The following ABCA13 variants were observed in gnomAD, a reference collection of about 807,000 sequenced individuals.
The protein encoded by ABCA13 is ATP binding cassette subfamily A member 13.
ABCA13 carries 476 observed loss-of-function variants against 478.7 expected under a neutral mutation model. The observed-to-expected ratio is 0.99, with a 90% CI of 0.92 to 1.07. ABCA13 has a LOEUF of 1.07. Ranked by LOEUF, ABCA13 falls within the 50% of genes least tolerant of loss-of-function variation. ABCA13 has a pLI of 0.00. For missense variants in ABCA13, 6,060 were observed against 5,910.6 expected (o/e 1.03, Z -0.83); for synonymous variants, 2,252 against 2,158.9 (o/e 1.04, Z -1.20).
At chr7:48,197,963 T>C (rs1798163930) in intron 2 of ABCA13, among the ~76,000 whole-genome samples, 1 of 152,132 alleles carries the variant, frequency 6.6e-6, no homozygotes, top group Non-Finnish European at 1.5e-5. Flanking sequence ...TTCCACTCAG[T>C]GAATGGGGAA....
chr7:48,551,877 G>A (rs945390401), intron 55 of ABCA13, among the ~76,000 whole-genome samples: 7 of 151,702 alleles, frequency 4.6e-5, no homozygotes, highest in African/African-American at 1.7e-4. Context: ...ACCAGACTCT[G>A]GGCATTATCC....
Position 48,352,308 on chromosome 7 carries a change from C to T in ABCA13, c.10509C>T (p.Asn3503=). The part of the protein sequence containing the change: ...LYSVRTDVVK[N]PSWKFHPQNL... ...GCGTGCGAACAGATGTGGTAAAAAA[C>T]CCTTCTTGGAAGTTCCACCCTCAGA... The change falls in exon 31 of 62, where the codon AAC becomes AAT. Residue 3503 remains asparagine, a synonymous_variant. Coordinates refer to ENST00000435803, the MANE Select transcript of ABCA13 (RefSeq NM_152701.5). The T allele has an allele frequency of 2.5e-6, 4 of 1,613,812 alleles. No homozygotes were observed. Among genetic ancestry groups the T allele is most frequent in the Non-Finnish European group, 3.4e-6 (4 of 1,179,880 alleles).
chr7:48,330,097 C>G (rs1408105722), intron 27 of ABCA13, among the ~76,000 whole-genome samples: 1 of 148,752 alleles, frequency 6.7e-6, no homozygotes, highest in Non-Finnish European at 1.5e-5. Flanking sequence ...ATCTATCCAT[C>G]CATTCATCCA....
intron 31 of ABCA13, among the ~76,000 whole-genome samples, chr7:48,367,465 A>G (rs1479102929): frequency 6.6e-6 from 1 of 152,220 alleles, no homozygotes; most frequent in African/African-American, 2.4e-5. Flanking sequence ...GGTCCCAATT[A>G]AATGGGGGAA....
intron 58 of ABCA13, among the ~76,000 whole-genome samples, chr7:48,601,932 G>T (rs1036385479): frequency 5.9e-5 from 9 of 152,134 alleles, no homozygotes; most frequent in African/African-American, 1.9e-4. Flanking sequence ...GCCTGAGATG[G>T]TATCTCATTG....
chr7:48,255,723 A>G (rs142469055), intron 15 of ABCA13, among the ~76,000 whole-genome samples: 2 of 152,198 alleles, frequency 1.3e-5, no homozygotes, highest in African/African-American at 2.4e-5. Flanking sequence ...ATGGACATCT[A>G]GCTGGATTCC....
At chr7:48,353,012 A>C (rs1017110546) in intron 31 of ABCA13, among the ~76,000 whole-genome samples, 2 of 152,086 alleles carry the variant, frequency 1.3e-5, no homozygotes, top group African/African-American at 4.8e-5. Context: ...AAGCTCAGTG[A>C]AGGGCTGGAG....
intron 57 of ABCA13, among the ~76,000 whole-genome samples, chr7:48,592,224 C>A (rs1789832117): frequency 6.6e-6 from 1 of 151,596 alleles, no homozygotes; most frequent in Non-Finnish European, 1.5e-5. Context: ...TTGATGACTT[C>A]TTCCTCAAAT....
At chr7:48,306,970 A>C (rs1457046174) in intron 23 of ABCA13, among the ~76,000 whole-genome samples, 2 of 152,296 alleles carry the variant, frequency 1.3e-5, no homozygotes, top group Non-Finnish European at 1.5e-5. Context: ...AAGTCCCCCA[A>C]GGAAGAGTAA....
chr7:48,304,927 A>G (rs1246630430), intron 23 of ABCA13, among the ~76,000 whole-genome samples: 3 of 152,212 alleles, frequency 2.0e-5, no homozygotes, highest in African/African-American at 7.2e-5. Context: ...GTTTCTCTTT[A>G]GGAATATGAA....
intron 48 of ABCA13, among the ~76,000 whole-genome samples, chr7:48,494,768 AG>A (rs1271183510): frequency 6.6e-6 from 1 of 152,180 alleles, no homozygotes; most frequent in Non-Finnish European, 1.5e-5. Flanking sequence ...GCTGAGCTGC[AG>A]TGTGTTACAA....
At position 48,372,400 on chromosome 7, in the gene ABCA13, C is replaced by T. The variant is rs1023028384; in HGVS notation, c.11036C>T (p.Ala3679Val). Residue 3679 changes from alanine (A) to valine (V), a missense_variant, in exon 33 of 62, where the codon GCC (alanine) becomes GTC (valine). Around this residue, in one of 3 missense-constraint regions of ABCA13, gnomAD observed 4,423 missense variants for 4,309.1 expected, o/e 1.03. Transcript: ENST00000435803. ...SAFFSQANTA[A>V]LCTSLVYMIS... Reference sequence around the variant, plus strand: ...TTTTTCAGCCAAGCTAATACAGCGGCCCTTTGTACCAGCCTGGTGTACATG... The same window carrying T: ...TTTTTCAGCCAAGCTAATACAGCGGTCCTTTGTACCAGCCTGGTGTACATG... 27 of 1,613,736 alleles carry T rather than the reference C, an allele frequency of 1.7e-5. No homozygotes were observed. The highest frequency in any genetic ancestry group is 2.1e-5 in the Non-Finnish European group (25 of 1,179,864).
At chr7:48,512,900 C>G (rs1831815039) in intron 51 of ABCA13, among the ~76,000 whole-genome samples, 1 of 152,224 alleles carries the variant, frequency 6.6e-6, no homozygotes, top group South Asian at 2.1e-4. Context: ...AGAGATAACT[C>G]AGACCGTGTT....
At chr7:48,380,384 G>A (rs1219151829) in intron 35 of ABCA13, among the ~76,000 whole-genome samples, 30 of 152,218 alleles carry the variant, frequency 2.0e-4, no homozygotes, top group Admixed American at 2.0e-3. Context: ...CTCAAACGCA[G>A]TGAGTGACAT....
At chr7:48,468,915 A>C (rs1370478017) in intron 44 of ABCA13, among the ~76,000 whole-genome samples, 1 of 152,242 alleles carries the variant, frequency 6.6e-6, no homozygotes, top group Admixed American at 6.5e-5. Context: ...GTTTTCTCAC[A>C]GTAGTAGGTG....
chr7:48,247,427 T>C (rs976084656), intron 13 of ABCA13, among the ~76,000 whole-genome samples: 1 of 152,126 alleles, frequency 6.6e-6, no homozygotes, highest in Non-Finnish European at 1.5e-5. Flanking sequence ...GAACTATGTA[T>C]TTATAGGTTA....
At chr7:48,448,754 TTAGA>T (rs1468231483) in intron 42 of ABCA13, among the ~76,000 whole-genome samples, 2 of 152,162 alleles carry the variant, frequency 1.3e-5, no homozygotes, top group Non-Finnish European at 2.9e-5. Context: ...ATAAAACAGT[TTAGA>T]TAAATATTGC....
Position 48,332,628 on chromosome 7 carries a change from G to A in ABCA13, c.10000-2794G>A, listed in dbSNP as rs144443439. ...TTCCTTCCAAATGCTCCAAGATTCC[G>A]TTTCATATTTTCATTTTTTAAAGTT... On this transcript the variant is annotated intron_variant, in intron 27 of 61. Coordinates refer to ENST00000435803, the MANE Select transcript of ABCA13 (RefSeq NM_152701.5). 4.1e-3 allele frequency among the ~76,000 whole-genome samples: 629 copies of A among 152,058 alleles called. 2 individuals are homozygous for A. The highest frequency in any genetic ancestry group is 0.014 in the African/African-American group (583 of 41,458).
rs763467127 is a variant in ABCA13 at position 48,278,745 on chromosome 7, A to C, written c.7551A>C (p.Thr2517=). 1.9e-6 allele frequency: 3 copies of C among 1,613,964 alleles called. No individual in the cohort carries two copies. The highest frequency in any genetic ancestry group is 1.7e-6 in the Non-Finnish European group (2 of 1,179,880). ...GTGCTGACCTGAGAGATCTTGCCACATCAATGGACTCCATTGTGAAACTTC... is the reference window on the plus strand; with the variant it reads ...GTGCTGACCTGAGAGATCTTGCCACCTCAATGGACTCCATTGTGAAACTTC... The part of the protein sequence containing the change: ...NDSADLRDLA[T]SMDSIVKLLK... Residue 2517 remains threonine (T), a synonymous_variant, in exon 18 of 62, where the codon ACA becomes ACC. Coordinates refer to ENST00000435803, the MANE Select transcript of ABCA13 (RefSeq NM_152701.5).
Sources: gnomAD v4.1 joint callset for allele counts (sites outside exome capture counted in the v4.1 genomes callset) on GRCh38, gnomAD v4.1.1 for gene constraint, gnomAD v4.1.1 regional missense constraint, MANE v1.5 for transcripts, NCBI Gene and HGNC (gene_info 2026-07-23, HGNC 2026-07-21) for gene names.